ZDHHC15: variants seen among roughly 807,000 people sequenced by gnomAD.
ZDHHC15 encodes zDHHC palmitoyltransferase 15.
In ZDHHC15, 19 loss-of-function variants were observed where a neutral mutation model predicts 31.7. The ratio of observed to expected loss-of-function variants is 0.60; its 90% CI spans 0.42 to 0.88. The LOEUF (loss-of-function observed/expected upper bound fraction) is 0.88. ZDHHC15 is among the 40% of genes least tolerant of loss of function. The pLI, the probability that ZDHHC15 is intolerant of heterozygous loss-of-function variation, is 0.00. For synonymous variants in ZDHHC15, 103 were observed against 90.0 expected (o/e 1.14, Z -0.82); for missense variants, 209 against 251.2 (o/e 0.83, Z 1.14).
chrX:75,501,041 T>C (rs781156252), intron 2 of ZDHHC15, among the ~76,000 whole-genome samples: 1 of 111,067 alleles, frequency 9.0e-6, no homozygotes, highest in South Asian at 3.8e-4. Flanking sequence ...AAGGGGTTTG[T>C]TGTATAGATT....
chrX:75,426,063 A>T (rs5981860), intron 7 of ZDHHC15, among the ~76,000 whole-genome samples: 16,752 of 111,056 alleles, frequency 0.15, 1,296 homozygotes, highest in Non-Finnish European at 0.23. Context: ...TTTTGAAATG[A>T]TCCCTCTACA....
chrX:75,442,696 T>A (rs1437451711), intron 4 of ZDHHC15, among the ~76,000 whole-genome samples: 3 of 110,452 alleles, frequency 2.7e-5, no homozygotes, highest in Non-Finnish European at 5.7e-5. Context: ...ATAGAAAAAA[T>A]CAATATTGGG....
chrX:75,455,177 C>A (rs761060169), intron 3 of ZDHHC15, among the ~76,000 whole-genome samples: 130 of 111,191 alleles, frequency 1.2e-3, no homozygotes, highest in African/African-American at 4.1e-3. Flanking sequence ...GAGATATAGC[C>A]CAATGGAACA....
chrX:75,497,407 G>A (rs974644555), intron 2 of ZDHHC15, among the ~76,000 whole-genome samples: 2 of 111,538 alleles, frequency 1.8e-5, no homozygotes, highest in African/African-American at 3.2e-5. Context: ...TCAGACATTC[G>A]AAGAATAGGT....
At chrX:75,492,337 C>T (rs6647134) in intron 2 of ZDHHC15, among the ~76,000 whole-genome samples, 19,873 of 110,144 alleles carry the variant, frequency 0.18, 1,967 homozygotes, top group East Asian at 0.85. Context: ...TAATGGGAGA[C>T]TTTAACACCC....
At chrX:75,423,395 G>A (rs2083673406) in intron 8 of ZDHHC15, among the ~76,000 whole-genome samples, 1 of 106,353 alleles carries the variant, frequency 9.4e-6, no homozygotes, top group African/African-American at 3.5e-5. Context: ...CATTCTTTGT[G>A]TTTACGTGTA....
chrX:75,389,325 G>A (rs1286012297), intron 10 of ZDHHC15, among the ~76,000 whole-genome samples: 1 of 110,639 alleles, frequency 9.0e-6, no homozygotes, highest in African/African-American at 3.3e-5. Flanking sequence ...GCTTTGCTGG[G>A]CTCGAAGCCA....
intron 2 of ZDHHC15, among the ~76,000 whole-genome samples, chrX:75,490,976 A>G (rs1034859516): frequency 3.6e-5 from 4 of 111,806 alleles, no homozygotes; most frequent in African/African-American, 1.3e-4. Flanking sequence ...TCAGGAAACA[A>G]CAGGTACTGG....
chrX:75,517,614 C>G (rs2085378922), intron 1 of ZDHHC15, among the ~76,000 whole-genome samples: 1 of 104,618 alleles, frequency 9.6e-6, no homozygotes, highest in Non-Finnish European at 2.0e-5. Flanking sequence ...GGAGGGATAG[C>G]ATTAGGAGAA....
chrX:75,478,581 C>T (rs1428610369), intron 3 of ZDHHC15, among the ~76,000 whole-genome samples: 1 of 111,288 alleles, frequency 9.0e-6, no homozygotes, highest in Non-Finnish European at 1.9e-5. Context: ...CAGGGTCTCA[C>T]TTTGTTGCCT....
chrX:75,449,720 G>C (rs995244366), intron 4 of ZDHHC15, among the ~76,000 whole-genome samples: 2 of 112,094 alleles, frequency 1.8e-5, no homozygotes, highest in Non-Finnish European at 3.8e-5. Flanking sequence ...ATGAACAAAT[G>C]AATATGTGTC....
intron 11 of ZDHHC15, among the ~76,000 whole-genome samples, chrX:75,373,926 G>GTTTTTTTTTTTTGTTTTTTT (rs2083028242): frequency 2.0e-5 from 1 of 50,456 alleles, no homozygotes; most frequent in Non-Finnish European, 3.4e-5. Context: ...CATTCTTTCT[G>GTTTTTTTTTTTTGTTTTTTT]TTTTTTTTTT....
chrX:75,448,279 G>A (rs1022164573), intron 4 of ZDHHC15, among the ~76,000 whole-genome samples: 1 of 112,064 alleles, frequency 8.9e-6, no homozygotes, highest in Non-Finnish European at 1.9e-5. Context: ...ACCACGTCAG[G>A]TAAAAAACCA....
intron 3 of ZDHHC15, among the ~76,000 whole-genome samples, chrX:75,475,317 C>A (rs1418073590): frequency 2.6e-5 from 1 of 37,856 alleles, no homozygotes; most frequent in Non-Finnish European, 8.6e-5. Flanking sequence ...TAAAAATATT[C>A]CTCTGTGGAT....
intron 3 of ZDHHC15, among the ~76,000 whole-genome samples, chrX:75,451,518 C>T (rs771677954): frequency 1.8e-5 from 2 of 111,805 alleles, no homozygotes; most frequent in East Asian, 2.8e-4. Flanking sequence ...GCTAATCTTG[C>T]AAAAGATATG....
chrX:75,371,863 T>C lies in ZDHHC15; in HGVS notation c.*1115A>G, dbSNP rs890316263. 15 of 111,764 alleles carry C rather than the reference T, an allele frequency of 1.3e-4. No homozygotes were observed. Among genetic ancestry groups the C allele is most frequent in the African/African-American group, 4.9e-4 (15 of 30,779 alleles). 9.2% of individuals were successfully genotyped at this position (111,764 alleles called of 1,213,427 possible). A position where few individuals can be genotyped will look rare whatever the true frequency, so the allele number is the denominator to read the frequency against. Reference sequence around the variant, plus strand: ...AATAAATGGGGAAATTGATGCAAACTGTATTAATGGCTTAGCTACTACTGA... The same window carrying C: ...AATAAATGGGGAAATTGATGCAAACCGTATTAATGGCTTAGCTACTACTGA... On this transcript the variant is annotated 3_prime_UTR_variant, in exon 12 of 12. Transcript: ENST00000373367.
At chrX:75,397,931 A>T (rs1462511829) in intron 10 of ZDHHC15, among the ~76,000 whole-genome samples, 1 of 112,059 alleles carries the variant, frequency 8.9e-6, no homozygotes. Flanking sequence ...ATAGAGTTAC[A>T]TGGAGTCTTG....
chrX:75,487,839 C>G (rs1205383130), intron 2 of ZDHHC15, among the ~76,000 whole-genome samples: 2 of 111,760 alleles, frequency 1.8e-5, no homozygotes, highest in African/African-American at 6.5e-5. Flanking sequence ...AAGACAAACA[C>G]AAATTCTGGA....
intron 4 of ZDHHC15, among the ~76,000 whole-genome samples, chrX:75,445,372 C>G (rs182304267): frequency 1.7e-3 from 192 of 111,711 alleles, no homozygotes; most frequent in Non-Finnish European, 2.5e-3. Context: ...TGCAAAGTAT[C>G]TTCAATAGAT....
Sources: allele counts gnomAD v4.1 joint callset (sites outside exome capture counted in the v4.1 genomes callset), GRCh38; gene constraint gnomAD v4.1.1; transcripts MANE v1.5; gene names NCBI Gene and HGNC (gene_info 2026-07-23, HGNC 2026-07-21).